The following PDSS2 variants were observed in gnomAD, a reference collection of about 807,000 sequenced individuals.
PDSS2 encodes decaprenyl diphosphate synthase subunit 2, also known as all trans-polyprenyl-diphosphate synthase PDSS2.
PDSS2 carries 31 observed loss-of-function variants against 44.5 expected under a neutral mutation model. That is an observed-to-expected ratio of 0.70 (90% CI 0.52 to 0.94). The LOEUF (loss-of-function observed/expected upper bound fraction) is 0.94. Among genes scored for constraint, PDSS2 ranks in the 40% least tolerant of loss-of-function variants. The pLI is 0.00. For missense variants in PDSS2, 452 were observed against 482.2 expected (o/e 0.94, Z 0.59); for synonymous variants, 157 against 180.3 (o/e 0.87, Z 1.03).
At chr6:107,400,071 A>G (rs1027446200) in intron 1 of PDSS2, among the ~76,000 whole-genome samples, 9 of 151,974 alleles carry the variant, frequency 5.9e-5, no homozygotes, top group Non-Finnish European at 1.3e-4. Context: ...GAGTGGGGGG[A>G]GTGTCTCCAC....
chr6:107,426,315 G>A (rs368053355), intron 1 of PDSS2, among the ~76,000 whole-genome samples: 1 of 152,210 alleles, frequency 6.6e-6, no homozygotes. Context: ...GAGCCTTTGA[G>A]TGTATAGAAG....
At chr6:107,220,815 T>C (rs1582805195) in intron 4 of PDSS2, among the ~76,000 whole-genome samples, 1 of 152,176 alleles carries the variant, frequency 6.6e-6, no homozygotes, top group East Asian at 1.9e-4. Flanking sequence ...TTTTATTCCC[T>C]AAACATTATT....
At chr6:107,277,378 T>C (rs1167434028) in intron 2 of PDSS2, among the ~76,000 whole-genome samples, 2 of 152,108 alleles carry the variant, frequency 1.3e-5, no homozygotes, top group Admixed American at 1.3e-4. Flanking sequence ...TTGGCTACAG[T>C]AAAGGGACTG....
chr6:107,231,615 C>G (rs550055844), intron 4 of PDSS2, among the ~76,000 whole-genome samples: 1 of 152,192 alleles, frequency 6.6e-6, no homozygotes, highest in Non-Finnish European at 1.5e-5. Context: ...TTATTTGCTA[C>G]TGCTTACTAT....
chr6:107,264,485 T>G, intron 3 of PDSS2: 2 of 1,546,578 alleles, frequency 1.3e-6, no homozygotes, highest in Non-Finnish European at 1.7e-6. Context: ...ATCTGATATA[T>G]AGCAATAGGT....
At chr6:107,315,181 A>C (rs1020024972) in intron 2 of PDSS2, among the ~76,000 whole-genome samples, 28 of 152,228 alleles carry the variant, frequency 1.8e-4, no homozygotes, top group African/African-American at 6.5e-4. Flanking sequence ...ATTTATCAAT[A>C]TTTAATAAAA....
chr6:107,424,276 T>C (rs1270444971), intron 1 of PDSS2, among the ~76,000 whole-genome samples: 1 of 152,096 alleles, frequency 6.6e-6, no homozygotes, highest in Non-Finnish European at 1.5e-5. Context: ...ATCAAACTCC[T>C]GGGCTCAAGT....
chr6:107,303,063 G>A (rs1776747810), intron 2 of PDSS2, among the ~76,000 whole-genome samples: 1 of 152,108 alleles, frequency 6.6e-6, no homozygotes, highest in Non-Finnish European at 1.5e-5. Flanking sequence ...ATAAAGAATA[G>A]TTCATGGTTC....
chr6:107,284,144 C>T (rs1776062056), intron 2 of PDSS2, among the ~76,000 whole-genome samples: 1 of 151,998 alleles, frequency 6.6e-6, no homozygotes, highest in Non-Finnish European at 1.5e-5. Context: ...CTTTCTCTCT[C>T]ACTAGCTTCC....
At chr6:107,190,931 G>A (rs938719762) in intron 7 of PDSS2, among the ~76,000 whole-genome samples, 4 of 152,082 alleles carry the variant, frequency 2.6e-5, no homozygotes, top group Admixed American at 6.6e-5. Flanking sequence ...TTGCTCTGTC[G>A]CCCAGGCTGG....
At chr6:107,306,163 A>G (rs752113364) in intron 2 of PDSS2, among the ~76,000 whole-genome samples, 18 of 152,138 alleles carry the variant, frequency 1.2e-4, no homozygotes, top group Non-Finnish European at 2.4e-4. Context: ...CAACTTAAGC[A>G]TAAGTTTTCT....
At chr6:107,191,613 T>C (rs1562364405) in intron 7 of PDSS2, among the ~76,000 whole-genome samples, 2 of 152,016 alleles carry the variant, frequency 1.3e-5, no homozygotes, top group Admixed American at 6.6e-5. Flanking sequence ...TGTAGACTCA[T>C]CAATTTTTTT....
At chr6:107,415,097 A>T (rs1217099649) in intron 1 of PDSS2, among the ~76,000 whole-genome samples, 1 of 152,200 alleles carries the variant, frequency 6.6e-6, no homozygotes, top group Non-Finnish European at 1.5e-5. Context: ...TCCGGGTTCA[A>T]GCTAGGAATC....
At chr6:107,162,261 C>T (rs1771160394) in intron 7 of PDSS2, among the ~76,000 whole-genome samples, 1 of 152,060 alleles carries the variant, frequency 6.6e-6, no homozygotes. Context: ...ACTTGGGAGG[C>T]CATGGGGGAT....
chr6:107,199,080 C>G (rs1247021222), intron 6 of PDSS2, among the ~76,000 whole-genome samples: 1 of 152,138 alleles, frequency 6.6e-6, no homozygotes, highest in Non-Finnish European at 1.5e-5. Flanking sequence ...TCATTAAATA[C>G]TATCCTTATT....
intron 1 of PDSS2, among the ~76,000 whole-genome samples, chr6:107,397,203 G>A (rs1233283391): frequency 2.6e-5 from 4 of 151,282 alleles, no homozygotes; most frequent in Admixed American, 6.6e-5. Context: ...TTTGGTGGTC[G>A]AGGGGGAAGC....
At chr6:107,308,173 T>C (rs1024404211) in intron 2 of PDSS2, among the ~76,000 whole-genome samples, 1 of 152,174 alleles carries the variant, frequency 6.6e-6, no homozygotes, top group Non-Finnish European at 1.5e-5. Flanking sequence ...TCTATCTATA[T>C]ATTTCATGAC....
intron 1 of PDSS2, among the ~76,000 whole-genome samples, chr6:107,413,800 C>T (rs550110774): frequency 3.9e-5 from 6 of 152,014 alleles, no homozygotes; most frequent in South Asian, 4.1e-4. Flanking sequence ...TATGCATTCA[C>T]GTCTACTTTT....
Position 107,288,758 on chromosome 6 carries a change from T to G in PDSS2, c.432-14531A>C, listed in dbSNP as rs1173293870. Among the ~76,000 whole-genome samples, 5 of 141,998 alleles carry G rather than the reference T, an allele frequency of 3.5e-5. No homozygotes were observed. In the East Asian group the frequency reaches 6.3e-4, roughly 18 times the overall value. 93.2% of individuals were successfully genotyped at this position (141,998 alleles called of 152,430 possible). A position where few individuals can be genotyped will look rare whatever the true frequency, so the allele number is the denominator to read the frequency against. On this transcript the variant is annotated intron_variant, in intron 2 of 7. Coordinates refer to ENST00000369037, the MANE Select transcript of PDSS2 (RefSeq NM_020381.4). The stretch of plus-strand genomic sequence containing the variant: ...GAAGATGCCGGGACGAAATTGTTTT[T>G]TTTTTTTTTTTTTTTTTTTGAGACA...
Sources: allele counts gnomAD v4.1 joint callset (sites outside exome capture counted in the v4.1 genomes callset), GRCh38; gene constraint gnomAD v4.1.1; transcripts MANE v1.5; gene names NCBI Gene and HGNC (gene_info 2026-07-23, HGNC 2026-07-21).